KHDRBS2: variants seen among roughly 807,000 people sequenced by gnomAD.
The protein encoded by KHDRBS2 is KH RNA binding domain containing, signal transduction associated 2.
KHDRBS2 carries 26 observed loss-of-function variants against 44.3 expected under a neutral mutation model. That is an observed-to-expected ratio of 0.59 (90% CI 0.43 to 0.81). The LOEUF is 0.81. KHDRBS2 is among the 40% of genes least tolerant of loss of function. The pLI is 0.00. For synonymous variants in KHDRBS2, 194 were observed against 151.1 expected (o/e 1.28, Z -2.08); for missense variants, 476 against 433.1 (o/e 1.10, Z -0.88).
the KHDRBS2 span, among the ~76,000 whole-genome samples, chr6:61,673,540 A>C: frequency 3.4e-4 from 49 of 146,018 alleles, no homozygotes; most frequent in Non-Finnish European, 6.1e-4. Flanking sequence ...GTCTCAGCCC[A>C]AAATCTCCTT....
the KHDRBS2 span, among the ~76,000 whole-genome samples, chr6:61,556,009 G>A: frequency 3.9e-5 from 6 of 152,230 alleles, no homozygotes; most frequent in East Asian, 1.9e-4. Context: ...CATGCCAGCT[G>A]CAGTGGCAGC....
the KHDRBS2 span, among the ~76,000 whole-genome samples, chr6:61,626,534 A>G: frequency 1.1e-4 from 16 of 152,346 alleles, no homozygotes; most frequent in African/African-American, 3.8e-4. Flanking sequence ...AGTCACTGCT[A>G]TGTTAACTTT....
At chr6:62,056,876 T>A (rs181722967) in intron 2 of KHDRBS2, among the ~76,000 whole-genome samples, 8 of 152,114 alleles carry the variant, frequency 5.3e-5, no homozygotes, top group Admixed American at 2.0e-4. Flanking sequence ...AATTTTCTAT[T>A]CTCTGCCTTG....
At position 61,732,758 on chromosome 6, in the gene KHDRBS2, C is replaced by G; in HGVS notation, c.817G>C (p.Asp273His). 7 of 1,598,504 alleles carry G rather than the reference C, an allele frequency of 4.4e-6. No homozygotes were observed. The highest frequency in any genetic ancestry group is 6.0e-6 in the Non-Finnish European group (7 of 1,166,046). ...TCATATTCACCCCCGTAGCCATCAT[C>G]ATAACCCTGAGACAAAAAAATGGTA... ...AHEAYEEYGYDDGYGGEYDDQ... is the reference protein window; with the variant it reads ...AHEAYEEYGYHDGYGGEYDDQ... The change falls in exon 7 of 9, where the codon GAT becomes CAT. Residue 273 changes from aspartate to histidine, a missense_variant. By Grantham distance (81) the Asp-to-His change is moderately conservative. Coordinates refer to ENST00000281156, the MANE Select transcript of KHDRBS2 (RefSeq NM_152688.4).
At chr6:61,745,727 A>G (rs762769593) in intron 6 of KHDRBS2, among the ~76,000 whole-genome samples, 9 of 152,202 alleles carry the variant, frequency 5.9e-5, no homozygotes, top group Non-Finnish European at 1.2e-4. Flanking sequence ...TTCTAATCAT[A>G]GAAATCCAGC....
chr6:61,779,147 C>T (rs1782550905), intron 6 of KHDRBS2, among the ~76,000 whole-genome samples: 1 of 152,114 alleles, frequency 6.6e-6, no homozygotes, highest in Non-Finnish European at 1.5e-5. Context: ...ATACAACTTC[C>T]TCTATTCAGA....
chr6:61,825,572 G>T (rs1264642816), intron 6 of KHDRBS2, among the ~76,000 whole-genome samples: 3 of 152,146 alleles, frequency 2.0e-5, no homozygotes, highest in South Asian at 2.1e-4. Flanking sequence ...AGTTAAGAGG[G>T]TTGTAAAAAT....
At position 62,061,475 on chromosome 6, in the gene KHDRBS2, T is replaced by A. The variant is rs1562756407; in HGVS notation, c.220-13481A>T. Among the ~76,000 whole-genome samples the A allele has an allele frequency of 4.6e-5, 7 of 151,054 alleles. No individual in the cohort carries two copies. The South Asian group carries it at 1.5e-3, about 32-fold the overall frequency. On this transcript the variant is annotated intron_variant, in intron 2 of 8. Coordinates refer to ENST00000281156, the MANE Select transcript of KHDRBS2 (RefSeq NM_152688.4). ...TATGAAATTCTGGGTTCAAAATTCT[T>A]TTCTTTAAGAATGTTGAATATTGGC...
intron 6 of KHDRBS2, among the ~76,000 whole-genome samples, chr6:61,847,731 C>A (rs187741389): frequency 6.6e-6 from 1 of 152,076 alleles, no homozygotes; most frequent in East Asian, 1.9e-4. Context: ...TGTTTTCTTT[C>A]TCTACTTCCT....
chr6:61,566,251 G>A, the KHDRBS2 span, among the ~76,000 whole-genome samples: 3 of 152,106 alleles, frequency 2.0e-5, no homozygotes, highest in African/African-American at 4.8e-5. Context: ...GTGGGGAGGC[G>A]AGGATAAAGA....
At chr6:61,570,525 C>T in the KHDRBS2 span, among the ~76,000 whole-genome samples, 1 of 151,956 alleles carries the variant, frequency 6.6e-6, no homozygotes, top group Non-Finnish European at 1.5e-5. Context: ...CTTCTTTGAC[C>T]TTGTAAGAAA....
chr6:61,587,961 G>C, the KHDRBS2 span, among the ~76,000 whole-genome samples: 5 of 152,060 alleles, frequency 3.3e-5, no homozygotes, highest in African/African-American at 1.2e-4. Context: ...GCATTTTCAG[G>C]CAATGGACTT....
chr6:62,066,516 GCTTT>G (rs1410085873), intron 2 of KHDRBS2, among the ~76,000 whole-genome samples: 5 of 151,716 alleles, frequency 3.3e-5, no homozygotes, highest in East Asian at 2.0e-4. Flanking sequence ...TGAAATATTG[GCTTT>G]CTAAGTAAAT....
chr6:62,208,193 G>A (rs1406672835), intron 1 of KHDRBS2, among the ~76,000 whole-genome samples: 2 of 152,120 alleles, frequency 1.3e-5, no homozygotes, highest in African/African-American at 4.8e-5. Context: ...GTTCATCCAT[G>A]TAGTAACAAA....
chr6:61,906,607 A>AT (rs1054217105), intron 4 of KHDRBS2, among the ~76,000 whole-genome samples: 20 of 151,944 alleles, frequency 1.3e-4, no homozygotes, highest in South Asian at 2.1e-4. Context: ...CATGAGTTCA[A>AT]TTTTTTTAAT....
chr6:61,560,943 G>T, the KHDRBS2 span, among the ~76,000 whole-genome samples: 1 of 152,078 alleles, frequency 6.6e-6, no homozygotes, highest in Admixed American at 6.6e-5. Flanking sequence ...GAGCTTGTTT[G>T]TACCCCTCCT....
chr6:61,676,401 C>G (rs544824364), downstream of KHDRBS2, among the ~76,000 whole-genome samples: 1 of 151,902 alleles, frequency 6.6e-6, no homozygotes, highest in South Asian at 2.1e-4. Flanking sequence ...TAATTTTGAT[C>G]AGAAGTTCCT....
chr6:61,555,206 T>C, the KHDRBS2 span, among the ~76,000 whole-genome samples: 1 of 152,108 alleles, frequency 6.6e-6, no homozygotes, highest in South Asian at 2.1e-4. Context: ...TCATTCAACT[T>C]TATTATTTTT....
the KHDRBS2 span, among the ~76,000 whole-genome samples, chr6:61,552,114 A>T: frequency 1.3e-5 from 2 of 151,908 alleles, no homozygotes; most frequent in Non-Finnish European, 2.9e-5. Flanking sequence ...GTAAATGGCC[A>T]TTTTAACAAT....
Sources: gnomAD v4.1 joint callset for allele counts (sites outside exome capture counted in the v4.1 genomes callset) on GRCh38, gnomAD v4.1.1 for gene constraint, MANE v1.5 for transcripts, NCBI Gene and HGNC (gene_info 2026-07-23, HGNC 2026-07-21) for gene names.